ST6GALNAC3: variants seen among roughly 807,000 people sequenced by gnomAD.
ST6GALNAC3 encodes alpha-N-acetylgalactosaminide alpha-2,6-sialyltransferase 3.
Under a neutral mutation model 32.7 loss-of-function variants are expected in ST6GALNAC3, and 25 were observed. The ratio of observed to expected loss-of-function variants is 0.76; its 90% CI spans 0.56 to 1.07. The LOEUF is 1.07. Ranked by LOEUF, ST6GALNAC3 falls within the 50% of genes least tolerant of loss-of-function variation. The pLI is 0.00. For synonymous variants in ST6GALNAC3, 129 were observed against 133.1 expected (o/e 0.97, Z 0.21); for missense variants, 355 against 382.4 (o/e 0.93, Z 0.60).
At chr1:76,157,860 C>T (rs1651558610) in intron 1 of ST6GALNAC3, among the ~76,000 whole-genome samples, 1 of 152,166 alleles carries the variant, frequency 6.6e-6, no homozygotes, top group Non-Finnish European at 1.5e-5. Flanking sequence ...TTGCCTTTTC[C>T]AGAATGCCAT....
At chr1:76,235,131 C>T (rs1656576193) in intron 1 of ST6GALNAC3, among the ~76,000 whole-genome samples, 1 of 152,118 alleles carries the variant, frequency 6.6e-6, no homozygotes. Context: ...AAAAACTGTT[C>T]AGAGCTATTG....
intron 2 of ST6GALNAC3, among the ~76,000 whole-genome samples, chr1:76,360,401 G>T (rs1005641180): frequency 1.3e-5 from 2 of 152,134 alleles, no homozygotes; most frequent in African/African-American, 4.8e-5. Context: ...TCACAGCAAA[G>T]ACCAAGCTTT....
intron 3 of ST6GALNAC3, among the ~76,000 whole-genome samples, chr1:76,448,083 G>A (rs1657114629): frequency 6.6e-6 from 1 of 152,094 alleles, no homozygotes; most frequent in Non-Finnish European, 1.5e-5. Context: ...AGAGGAGGGG[G>A]GCTATACCCC....
chr1:76,089,174 A>G (rs868516073), intron 1 of ST6GALNAC3, among the ~76,000 whole-genome samples: 1 of 151,074 alleles, frequency 6.6e-6, no homozygotes, highest in African/African-American at 2.4e-5. Context: ...GACTACAGGC[A>G]CCTGCCACTA....
chr1:76,374,363 C>T (rs1488216959), intron 2 of ST6GALNAC3, among the ~76,000 whole-genome samples: 1 of 152,172 alleles, frequency 6.6e-6, no homozygotes, highest in East Asian at 1.9e-4. Context: ...AATAGTCCTG[C>T]CCCATAGAGT....
At chr1:76,253,288 T>G (rs1570589353) in intron 1 of ST6GALNAC3, among the ~76,000 whole-genome samples, 1 of 152,172 alleles carries the variant, frequency 6.6e-6, no homozygotes, top group Non-Finnish European at 1.5e-5. Flanking sequence ...ACAACTAATA[T>G]GCTCTGCCTC....
intron 1 of ST6GALNAC3, among the ~76,000 whole-genome samples, chr1:76,278,220 A>C (rs1384426437): frequency 9.5e-5 from 10 of 105,336 alleles, no homozygotes; most frequent in Non-Finnish European, 1.2e-4. Flanking sequence ...ATTGCTAGGC[A>C]TTCTTTTTTT....
intron 2 of ST6GALNAC3, among the ~76,000 whole-genome samples, chr1:76,349,237 T>C (rs1284074833): frequency 2.0e-5 from 3 of 152,168 alleles, no homozygotes; most frequent in Non-Finnish European, 4.4e-5. Context: ...AGTTCCCTCT[T>C]ATCACTTTTC....
At chr1:76,356,884 C>T (rs139821800) in intron 2 of ST6GALNAC3, among the ~76,000 whole-genome samples, 1 of 152,034 alleles carries the variant, frequency 6.6e-6, no homozygotes, top group Non-Finnish European at 1.5e-5. Flanking sequence ...AACCGTATTG[C>T]GGTCTAAACA....
chr1:76,630,352 G>C lies in ST6GALNAC3; in HGVS notation c.*1546G>C. On this transcript the variant is annotated 3_prime_UTR_variant, in exon 5 of 5. Transcript: ENST00000328299. The stretch of plus-strand genomic sequence containing the variant: ...TATATACACGTGTGGTTCTATTTAG[G>C]TGGGGAAAAAATGAAAAAGCAGGGA... 3.0e-6 allele frequency: 3 copies of C among 985,160 alleles called. No individual in the cohort carries two copies. Among genetic ancestry groups the C allele is most frequent in the Non-Finnish European group, 3.6e-6 (3 of 829,780 alleles). 61.0% of individuals were successfully genotyped at this position (985,160 alleles called of 1,614,324 possible). A position where few individuals can be genotyped will look rare whatever the true frequency, so the allele number is the denominator to read the frequency against.
At chr1:76,596,366 G>A (rs1488842873) in intron 3 of ST6GALNAC3, among the ~76,000 whole-genome samples, 2 of 152,092 alleles carry the variant, frequency 1.3e-5, no homozygotes, top group Admixed American at 6.6e-5. Flanking sequence ...ATGTGAAATA[G>A]CCTCAGCTTT....
chr1:76,220,966 C>T (rs1335941819), intron 1 of ST6GALNAC3, among the ~76,000 whole-genome samples: 2 of 152,104 alleles, frequency 1.3e-5, no homozygotes, highest in African/African-American at 4.8e-5. Flanking sequence ...GTGGTCCTGC[C>T]CTGTTGAGAC....
chr1:76,499,094 G>A (rs1378656188), intron 3 of ST6GALNAC3, among the ~76,000 whole-genome samples: 1 of 152,000 alleles, frequency 6.6e-6, no homozygotes, highest in African/African-American at 2.4e-5. Context: ...AGGCAAAGAA[G>A]GAAACATGCA....
intron 3 of ST6GALNAC3, among the ~76,000 whole-genome samples, chr1:76,420,171 G>A (rs946320306): frequency 1.3e-5 from 2 of 151,970 alleles, no homozygotes; most frequent in Admixed American, 1.3e-4. Context: ...TTGAGGCAGG[G>A]CCTGAGAATT....
intron 1 of ST6GALNAC3, among the ~76,000 whole-genome samples, chr1:76,242,354 C>T (rs1173658854): frequency 1.3e-5 from 2 of 151,996 alleles, no homozygotes; most frequent in African/African-American, 4.8e-5. Context: ...AAGATCTTAG[C>T]GGTCACTGCA....
chr1:76,585,242 C>T (rs550383345), intron 3 of ST6GALNAC3, among the ~76,000 whole-genome samples: 29 of 151,970 alleles, frequency 1.9e-4, no homozygotes, highest in Admixed American at 3.3e-4. Context: ...AAAAATCAGC[C>T]GGGCATGGTG....
At chr1:76,542,594 G>A (rs1405847560) in intron 3 of ST6GALNAC3, among the ~76,000 whole-genome samples, 8 of 152,076 alleles carry the variant, frequency 5.3e-5, no homozygotes, top group Non-Finnish European at 8.8e-5. Flanking sequence ...CATCACTGAT[G>A]ATGCTTGCTC....
chr1:76,308,232 AC>A (rs1449929206), intron 1 of ST6GALNAC3, among the ~76,000 whole-genome samples: 6 of 152,158 alleles, frequency 3.9e-5, no homozygotes, highest in Admixed American at 3.9e-4. Flanking sequence ...AGTGCTCAAC[AC>A]TAGCTAATGT....
chr1:76,359,527 A>G (rs1188207807), intron 2 of ST6GALNAC3, among the ~76,000 whole-genome samples: 1 of 152,204 alleles, frequency 6.6e-6, no homozygotes, highest in African/African-American at 2.4e-5. Flanking sequence ...GGCCTGGAAT[A>G]GATTCTTCCC....
Sources: gnomAD v4.1 joint callset for allele counts (sites outside exome capture counted in the v4.1 genomes callset) on GRCh38, gnomAD v4.1.1 for gene constraint, MANE v1.5 for transcripts, NCBI Gene and HGNC (gene_info 2026-07-23, HGNC 2026-07-21) for gene names.